AMPD3: variants seen among roughly 807,000 people sequenced by gnomAD.
AMPD3 encodes the protein adenosine monophosphate deaminase 3, also known as AMP deaminase 3.
Under a neutral mutation model 82.3 loss-of-function variants are expected in AMPD3, and 57 were observed. The observed-to-expected ratio is 0.69, with a 90% CI of 0.56 to 0.86. The LOEUF (loss-of-function observed/expected upper bound fraction) is 0.86, where lower values mean the gene tolerates loss of function less well. AMPD3 is among the 40% of genes least tolerant of loss of function. AMPD3 has a pLI of 0.00. For synonymous variants in AMPD3, 381 were observed against 394.7 expected (o/e 0.97, Z 0.41); for missense variants, 870 against 1,003.8 (o/e 0.87, Z 1.80).
Position 10,506,267 on chromosome 11 carries a change from AGTT to A in AMPD3, c.*387_*389del, listed in dbSNP as rs1849713453. 1 of 270,142 alleles carries A rather than the reference AGTT, an allele frequency of 3.7e-6. No homozygotes were observed. Among genetic ancestry groups the A allele is most frequent in the African/African-American group, 2.2e-5 (1 of 44,870 alleles). The allele number at this position is 270,142 out of a possible 1,614,324, so 16.7% of individuals were successfully genotyped here. ...CATTGGCCCAGGTAGGCTAATTGGT[AGTT>A]GTTCATTTCAGCCTCTGGATGGCTG... On this transcript the variant is annotated 3_prime_UTR_variant, in exon 15 of 15. Coordinates refer to ENST00000396553, the MANE Select transcript of AMPD3 (RefSeq NM_001025389.2). This position sits in a 1 kb window ranked among gnomAD's most constrained non-coding sequence, Gnocchi z 4.1.
chr11:10,461,255 GC>G, intron 1 of AMPD3: 11 of 1,369,440 alleles, frequency 8.0e-6, no homozygotes, highest in Non-Finnish European at 9.5e-6. Context: ...GAAAATGGAA[GC>G]CCACCTAGTT....
At position 10,484,765 on chromosome 11, in the gene AMPD3, C is replaced by T. The variant is rs937365620; in HGVS notation, c.590-55C>T. On this transcript the variant is annotated intron_variant, in intron 4 of 14. Coordinates refer to ENST00000396553, the MANE Select transcript of AMPD3 (RefSeq NM_001025389.2). ...CGCAGGCCTCCGTGTCTTTTGAGCCCATGTGTGCTCACAAGGTCAGGGGCA... is the reference window on the plus strand; with the variant it reads ...CGCAGGCCTCCGTGTCTTTTGAGCCTATGTGTGCTCACAAGGTCAGGGGCA... 213 of 1,593,776 alleles carry T rather than the reference C, an allele frequency of 1.3e-4. 1 individual carries two copies. In the East Asian group the frequency reaches 4.6e-3, roughly 34 times the overall value.
chr11:10,450,525 G>A, upstream of AMPD3: 4 of 986,152 alleles, frequency 4.1e-6, no homozygotes, highest in Non-Finnish European at 4.8e-6. Flanking sequence ...GGCAAGCCCG[G>A]GCGGCACGGG....
chr11:10,450,573 G>A, upstream of AMPD3: 1 of 987,440 alleles, frequency 1.0e-6, no homozygotes, highest in Non-Finnish European at 1.2e-6. Flanking sequence ...GCGCAGTTGA[G>A]GTCTGGGGAG....
rs1386284041 is a variant in AMPD3 at position 10,505,353 on chromosome 11, GA to G, written c.2128-353del. 8.3e-6 allele frequency: 8 copies of G among 961,070 alleles called. No individual in the cohort carries two copies. The African/African-American group carries it at 1.4e-4, about 17-fold the overall frequency. 59.5% of individuals were successfully genotyped at this position (961,070 alleles called of 1,614,324 possible). On this transcript the variant is annotated intron_variant, in intron 14 of 14. Transcript: ENST00000396553. ...GGTGCCTTGGATTGGCCCTCCCCAG[GA>G]ACATTGTCCTTGTCAGCTCTCAGGG...
intron 2 of AMPD3, chr11:10,473,486 A>G (rs1332488844): frequency 1.2e-5 from 12 of 985,054 alleles, no homozygotes; most frequent in African/African-American, 1.7e-5. Context: ...ATGGAGAAAG[A>G]AGGGGCAGGT....
upstream of AMPD3, among the ~76,000 whole-genome samples, chr11:10,453,635 G>A (rs2133802983): frequency 6.6e-6 from 1 of 151,574 alleles, no homozygotes; most frequent in South Asian, 2.1e-4. Flanking sequence ...CCAGGCTGGA[G>A]TGCAGTGCAG....
chr11:10,460,919 C>T, intron 1 of AMPD3: 4 of 985,296 alleles, frequency 4.1e-6, no homozygotes, highest in Non-Finnish European at 4.8e-6. Context: ...TGTTCTAAAA[C>T]CTTTATTTTA....
rs148830658 is a variant in AMPD3 at position 10,500,203 on chromosome 11, C to G, written c.1675C>G (p.Leu559Val). Residue 559 changes from leucine (L) to valine (V), a missense_variant, in exon 11 of 15, where the codon CTG becomes GTG. Physicochemically the swap from Leu to Val is conservative, Grantham distance 32. Transcript: ENST00000396553. ...SEQNPPYSYY[L>V]YYMYANIMVL... ...GCAGAACCCACCCTACAGCTACTAC[C>G]TGTACTACATGTATGCCAACATCAT... 6.2e-7 allele frequency: 1 copy of G among 1,614,128 alleles called. No homozygotes were observed. The highest frequency in any genetic ancestry group is 1.3e-5 in the African/African-American group (1 of 74,938).
At chr11:10,471,426 T>C (rs1325286923) in intron 2 of AMPD3, among the ~76,000 whole-genome samples, 2 of 152,188 alleles carry the variant, frequency 1.3e-5, no homozygotes, top group African/African-American at 2.4e-5. Flanking sequence ...TCAAAAGCCA[T>C]GGCAACAAAA....
chr11:10,500,312 C>G, intron 11 of AMPD3, 63 bp downstream of exon 11: 1 of 1,561,968 alleles, frequency 6.4e-7, no homozygotes, highest in South Asian at 1.1e-5. Context: ...CGCATGCACA[C>G]ACATGCACAC....
At chr11:10,466,020 G>A (rs1266885617) in intron 2 of AMPD3, among the ~76,000 whole-genome samples, 2 of 152,110 alleles carry the variant, frequency 1.3e-5, no homozygotes, top group East Asian at 3.9e-4. Context: ...CCAGCACTTA[G>A]GGAGGCCAAG....
intron 2 of AMPD3, among the ~76,000 whole-genome samples, chr11:10,465,214 T>C (rs1313466515): frequency 6.6e-6 from 1 of 152,190 alleles, no homozygotes; most frequent in African/African-American, 2.4e-5. Context: ...AAAATAATTA[T>C]GAAAAGCAGG....
rs774226348 is a variant in AMPD3, at chr11:10,461,667, G to A, written c.148G>A (p.Gly50Arg). The change falls in exon 2 of 15, where the codon GGG becomes AGG. Residue 50 changes from glycine to arginine, a missense_variant. By Grantham distance (125) the Gly-to-Arg change is moderately radical. Coordinates refer to ENST00000396553, the MANE Select transcript of AMPD3 (RefSeq NM_001025389.2). ...LFTVPEDCPI[G>R]QKEAKERELQ... Reference sequence around the variant, plus strand: ...CACTGTCCCAGAGGACTGCCCCATCGGGCAAAAGGAAGCCAAGGAGAGGGA... The same window carrying A: ...CACTGTCCCAGAGGACTGCCCCATCAGGCAAAAGGAAGCCAAGGAGAGGGA... 5.0e-6 allele frequency: 8 copies of A among 1,614,122 alleles called. No homozygotes were observed. The highest frequency in any genetic ancestry group is 2.2e-5 in the East Asian group (1 of 44,904).
chr11:10,464,603 C>A (rs535730586), intron 2 of AMPD3, among the ~76,000 whole-genome samples: 1 of 152,144 alleles, frequency 6.6e-6, no homozygotes, highest in African/African-American at 2.4e-5. Context: ...CTCTGTCCAT[C>A]GGCTTCTTTC....
chr11:10,476,838 T>A (rs1387423684), intron 2 of AMPD3: 9 of 864,322 alleles, frequency 1.0e-5, no homozygotes, highest in Non-Finnish European at 1.3e-5. Context: ...TGAGCTCCAT[T>A]TGATGGAGGA....
At chr11:10,462,142 T>C (rs911403116) in intron 2 of AMPD3, among the ~76,000 whole-genome samples, 2 of 152,158 alleles carry the variant, frequency 1.3e-5, no homozygotes, top group Non-Finnish European at 2.9e-5. Context: ...ATGAACAAGA[T>C]AGATAGAGTC....
In AMPD3 at chr11:10,484,832, C is replaced by G; in HGVS notation, c.602C>G (p.Pro201Arg). The G allele has an allele frequency of 6.2e-7, 1 of 1,614,050 alleles. No individual in the cohort carries two copies. Among genetic ancestry groups the G allele is most frequent in the Non-Finnish European group, 8.5e-7 (1 of 1,180,020 alleles). The change falls in exon 5 of 15, where the codon CCT (proline) becomes CGT (arginine). Residue 201 changes from proline (P) to arginine (R), a missense_variant. Coordinates refer to ENST00000396553, the MANE Select transcript of AMPD3 (RefSeq NM_001025389.2). The stretch of plus-strand genomic sequence containing the variant: ...TCCTGTTTTGCAGACTTCCACCCTC[C>G]TCCACTGCCCCAGGAAGACCCCTAC... ...PEEGLPDFHP[P>R]PLPQEDPYCL...
At chr11:10,464,299 C>T (rs1047960408) in intron 2 of AMPD3, among the ~76,000 whole-genome samples, 18 of 152,186 alleles carry the variant, frequency 1.2e-4, no homozygotes, top group African/African-American at 4.3e-4. Flanking sequence ...TCACATCGAG[C>T]TTATCAAATG....
Sources: allele counts gnomAD v4.1 joint callset (sites outside exome capture counted in the v4.1 genomes callset), GRCh38; gene constraint gnomAD v4.1.1; non-coding constraint Gnocchi (gnomAD v3.1); transcripts MANE v1.5; gene names NCBI Gene and HGNC (gene_info 2026-07-23, HGNC 2026-07-21).